ABCC9: variants seen among roughly 807,000 people sequenced by gnomAD.
ABCC9 encodes ATP binding cassette subfamily C member 9.
In ABCC9, 95 loss-of-function variants were observed where a neutral mutation model predicts 188.3. That is an observed-to-expected ratio of 0.50 (90% CI 0.43 to 0.60). ABCC9 has a LOEUF of 0.60. Ranked by LOEUF, ABCC9 falls within the 20% of genes least tolerant of loss-of-function variation. The pLI, the probability that ABCC9 is intolerant of heterozygous loss-of-function variation, is 0.00. For synonymous variants in ABCC9, 659 were observed against 652.7 expected (o/e 1.01, Z -0.15); for missense variants, 1,102 against 1,876.3 (o/e 0.59, Z 7.62).
chr12:21,876,279 C>T (rs1946341935), intron 16 of ABCC9, among the ~76,000 whole-genome samples: 1 of 152,136 alleles, frequency 6.6e-6, no homozygotes, highest in East Asian at 1.9e-4. Context: ...TATGGACATT[C>T]TTAAAAGACA....
rs1304780984 is a variant in ABCC9 at position 21,838,525 on chromosome 12, C to G, written c.3474-355G>C. Among the ~76,000 whole-genome samples the G allele has an allele frequency of 2.0e-5, 3 of 152,206 alleles. No homozygotes were observed. The East Asian group carries it at 5.8e-4, about 29-fold the overall frequency. On this transcript the variant is annotated intron_variant, in intron 29 of 39. Coordinates refer to ENST00000261200, the MANE Select transcript of ABCC9 (RefSeq NM_020297.4). ...GGTAGAATTTAGGCGAGACCTTAAG[C>G]TTGATGAGGGCTTCTACAAAATAGA...
chr12:21,811,876 T>C (rs1262215119), intron 36 of ABCC9, among the ~76,000 whole-genome samples, 173 bp downstream of exon 36: 1 of 152,186 alleles, frequency 6.6e-6, no homozygotes, highest in Non-Finnish European at 1.5e-5. Flanking sequence ...CATAATTTTA[T>C]AGGTTAATTT....
intron 31 of ABCC9, among the ~76,000 whole-genome samples, chr12:21,820,213 A>G (rs1942955376): frequency 6.6e-6 from 1 of 152,182 alleles, no homozygotes; most frequent in African/African-American, 2.4e-5. Context: ...AATTAGTACC[A>G]GAAAATCCTT....
rs955134470 is a variant in ABCC9 at position 21,910,093 on chromosome 12, A to G, written c.1320+64T>C. The stretch of plus-strand genomic sequence containing the variant: ...ATACACCTTTTACAGAGCTAAATAC[A>G]TTACTGCTTTTTTTGTTTTATTTCC... On this transcript the variant is annotated intron_variant, in intron 10 of 39. Coordinates refer to ENST00000261200, the MANE Select transcript of ABCC9 (RefSeq NM_020297.4). 5.3e-5 allele frequency: 77 copies of G among 1,454,082 alleles called. No individual in the cohort carries two copies. The African/African-American group carries it at 8.7e-4, about 16-fold the overall frequency. 90.1% of individuals were successfully genotyped at this position (1,454,082 alleles called of 1,614,324 possible).
chr12:21,814,833 A>C (rs766436414), intron 34 of ABCC9, 111 bp from the exon 35 acceptor site: 15 of 827,328 alleles, frequency 1.8e-5, no homozygotes, highest in Non-Finnish European at 2.9e-5. Context: ...AATTATGTTT[A>C]AATAATTACA....
At position 21,915,752 on chromosome 12, in the gene ABCC9, A is replaced by G. The variant is rs1447375686; in HGVS notation, c.732T>C (p.Asp244=). The change falls in exon 7 of 40, where the codon GAT becomes GAC. Residue 244 remains aspartate (D), a synonymous_variant. Transcript: ENST00000261200. ...TTGGCAATTTTCCAATTGCCTTCAG[A>G]TCAATAGGCTTTTTGTGAGCAGATA... ...LIISAHKKPI[D]LKAIGKLPIA... The G allele has an allele frequency of 3.1e-6, 5 of 1,613,000 alleles. No homozygotes were observed. Among genetic ancestry groups the G allele is most frequent in the Non-Finnish European group, 4.2e-6 (5 of 1,179,672 alleles).
At chr12:21,835,187 A>T (rs758211055) in intron 30 of ABCC9, among the ~76,000 whole-genome samples, 15 of 152,210 alleles carry the variant, frequency 9.9e-5, no homozygotes, top group Non-Finnish European at 1.6e-4. Context: ...ATGTTGAAGT[A>T]AAGAGCCATG....
rs758097449 is a variant in ABCC9, at chr12:21,844,519, G to A, written c.3279C>T (p.Leu1093=). ...FFDTTPLGLI[L]NRFSADTNII... is the part of the protein sequence containing the mutation. ...TATTAGTATCAGCTGAAAAGCGATT[G>A]AGAATCAGTCCCAGGGGTGTGGTAT... is the stretch of plus-strand genomic sequence containing the variant. Residue 1093 remains leucine (L), a synonymous_variant, in exon 28 of 40, where the codon CTC becomes CTT. Coordinates refer to ENST00000261200, the MANE Select transcript of ABCC9 (RefSeq NM_020297.4). 21 of 1,613,792 alleles carry A rather than the reference G, an allele frequency of 1.3e-5. No individual in the cohort carries two copies. Among genetic ancestry groups the A allele is most frequent in the Non-Finnish European group, 1.7e-5 (20 of 1,179,736 alleles).
At chr12:21,913,581 C>T (rs1948417808) in intron 7 of ABCC9, among the ~76,000 whole-genome samples, 1 of 152,170 alleles carries the variant, frequency 6.6e-6, no homozygotes, top group Non-Finnish European at 1.5e-5. Context: ...AGTTGTTTCT[C>T]CTCCATGGTA....
chr12:21,821,955 A>G (rs1303436908), intron 31 of ABCC9, among the ~76,000 whole-genome samples: 1 of 152,160 alleles, frequency 6.6e-6, no homozygotes, highest in African/African-American at 2.4e-5. Flanking sequence ...ATCACTAGAT[A>G]TTATTAGTTA....
At chr12:21,923,890 T>G (rs1270155343) in intron 5 of ABCC9, 1 of 691,342 alleles carries the variant, frequency 1.4e-6, no homozygotes, top group East Asian at 2.7e-5. Flanking sequence ...TAACAAGGGA[T>G]TGAAAAAACT....
chr12:21,815,840 C>G lies in ABCC9; in HGVS notation c.3946G>C (p.Asp1316His), dbSNP rs760679890. 6.2e-7 allele frequency: 1 copy of G among 1,613,198 alleles called. No individual in the cohort carries two copies. The highest frequency in any genetic ancestry group is 8.5e-7 in the Non-Finnish European group (1 of 1,179,564). The change falls in exon 34 of 40, where the codon GAT becomes CAT. Residue 1316 changes from aspartate (D) to histidine (H), a missense_variant. Asp to His is a moderately conservative substitution (Grantham distance 81). Around this residue, in one of 12 missense-constraint regions of ABCC9, gnomAD observed 143 missense variants for 225.6 expected, o/e 0.63. Transcript: ENST00000261200. ...TTATTTTCATATCTGACACACAGAT[C>G]ATGTATCTTGATCTCCCCTTCTTGT... ...WPQEGEIKIH[D>H]LCVRYENNLK...
intron 39 of ABCC9, among the ~76,000 whole-genome samples, 155 bp downstream of exon 39, chr12:21,805,843 A>G (rs942130351): frequency 6.6e-6 from 1 of 152,184 alleles, no homozygotes; most frequent in Admixed American, 6.6e-5. Context: ...TGCTTTCAAA[A>G]CATCTTCGTA....
At chr12:21,832,082 C>T (rs1943793132) in intron 30 of ABCC9, among the ~76,000 whole-genome samples, 1 of 152,148 alleles carries the variant, frequency 6.6e-6, no homozygotes, top group Non-Finnish European at 1.5e-5. Flanking sequence ...CTTCTGTTTT[C>T]CTAATGGAAA....
intron 4 of ABCC9, among the ~76,000 whole-genome samples, chr12:21,927,449 A>G (rs1041616191): frequency 3.9e-5 from 6 of 152,344 alleles, no homozygotes; most frequent in African/African-American, 1.4e-4. Flanking sequence ...TAAAGGTCTG[A>G]CTTCAGCTTT....
At chr12:21,824,955 A>T (rs532561009) in intron 31 of ABCC9, among the ~76,000 whole-genome samples, 5 of 145,346 alleles carry the variant, frequency 3.4e-5, no homozygotes, top group African/African-American at 1.2e-4. Context: ...TTGTTGATCT[A>T]TTTTGTTGAT....
At position 21,911,639 on chromosome 12, in the gene ABCC9, T is replaced by G. The variant is rs143378732; in HGVS notation, c.1012-661A>C. Among the ~76,000 whole-genome samples, 573 of 152,122 alleles carry G rather than the reference T, an allele frequency of 3.8e-3. 5 individuals carry two copies. Among genetic ancestry groups the G allele is most frequent in the African/African-American group, 0.013 (522 of 41,558 alleles). On this transcript the variant is annotated intron_variant, in intron 8 of 39. Transcript: ENST00000261200. Reference sequence around the variant, plus strand: ...AAAAGAAGGAAAGATAACATTTGACTAAGTACATTACATCAGTTTGGACAC... The same window carrying G: ...AAAAGAAGGAAAGATAACATTTGACGAAGTACATTACATCAGTTTGGACAC...
chr12:21,863,385 ATAGCTACAGACATTT>A (rs1945620283), intron 19 of ABCC9, among the ~76,000 whole-genome samples: 1 of 126,786 alleles, frequency 7.9e-6, no homozygotes, highest in African/African-American at 2.9e-5. Context: ...TTAAAAGATT[ATAGCTACAGACATTT>A]TACTTTATAC....
chr12:21,853,260 G>A (rs1945060850), intron 22 of ABCC9, among the ~76,000 whole-genome samples: 1 of 152,122 alleles, frequency 6.6e-6, no homozygotes, highest in Non-Finnish European at 1.5e-5. Context: ...GTTCCTGGAG[G>A]AGGAAGAGGC....
Sources: gnomAD v4.1 joint callset for allele counts (sites outside exome capture counted in the v4.1 genomes callset) on GRCh38, gnomAD v4.1.1 for gene constraint, gnomAD v4.1.1 regional missense constraint, MANE v1.5 for transcripts, NCBI Gene and HGNC (gene_info 2026-07-23, HGNC 2026-07-21) for gene names.